The following MYO3B variants were observed in gnomAD, a reference collection of about 807,000 sequenced individuals.
MYO3B encodes myosin-IIIb.
A neutral mutation model predicts 174.6 loss-of-function variants in MYO3B; 156 were observed. The observed-to-expected ratio is 0.89, with a 90% confidence interval of 0.78 to 1.02. The LOEUF (loss-of-function observed/expected upper bound fraction) is 1.02. Among genes scored for constraint, MYO3B ranks in the 50% least tolerant of loss-of-function variants. The pLI is 0.00. For synonymous variants in MYO3B, 563 were observed against 569.1 expected, an observed-to-expected ratio of 0.99 and a Z score of 0.15; for missense variants, 1,632 against 1,639.4, an observed-to-expected ratio of 1.00 and a Z score of 0.08.
chr2:170,453,834 A>T (rs1355405257), intron 23 of MYO3B, among the ~76,000 whole-genome samples: 1 of 152,198 alleles, frequency 6.6e-6, no homozygotes, highest in East Asian at 1.9e-4. Flanking sequence ...CAAGGCTCAA[A>T]CTTTCTCCCA....
intron 26 of MYO3B, 92 bp downstream of exon 26, chr2:170,498,795 T>A: frequency 1.2e-6 from 1 of 809,256 alleles, no homozygotes; most frequent in Non-Finnish European, 2.1e-6. Flanking sequence ...GTAAGTTGTG[T>A]AGCTTAGCAA....
At chr2:170,234,993 G>A (rs187523158) in intron 6 of MYO3B, among the ~76,000 whole-genome samples, 4 of 152,232 alleles carry the variant, frequency 2.6e-5, no homozygotes, top group South Asian at 4.2e-4. Flanking sequence ...TCACTCCTCT[G>A]CTCACCACAG....
At chr2:170,632,556 C>G (rs1697095127) in intron 32 of MYO3B, among the ~76,000 whole-genome samples, 1 of 152,088 alleles carries the variant, frequency 6.6e-6, no homozygotes, top group Non-Finnish European at 1.5e-5. Flanking sequence ...GACACCCTAA[C>G]ATCACAATTA....
chr2:170,506,166 C>A (rs1246202975), intron 28 of MYO3B, among the ~76,000 whole-genome samples: 1 of 152,222 alleles, frequency 6.6e-6, no homozygotes, highest in African/African-American at 2.4e-5. Flanking sequence ...AACCACTGGG[C>A]ACATCATGTG....
chr2:170,383,016 A>G (rs2094346731), intron 10 of MYO3B, 57 bp from the exon 11 acceptor site: 7 of 1,077,888 alleles, frequency 6.5e-6, no homozygotes, highest in Non-Finnish European at 9.9e-6. Context: ...TCATTTTTAG[A>G]ATCTATCCCT....
At chr2:170,262,735 G>A (rs1356517086) in intron 7 of MYO3B, among the ~76,000 whole-genome samples, 2 of 152,158 alleles carry the variant, frequency 1.3e-5, no homozygotes, top group Admixed American at 1.3e-4. Context: ...CCCTGGGCCT[G>A]TGCTCTTCCC....
In MYO3B at chr2:170,499,612, C is replaced by T. The variant is rs760567604; in HGVS notation, c.3127-34C>T. 4 of 1,603,388 alleles carry T rather than the reference C, an allele frequency of 2.5e-6. No individual in the cohort carries two copies. In the Admixed American group the frequency reaches 6.7e-5, roughly 27 times the overall value. On this transcript the variant is annotated intron_variant, in intron 26 of 34. Transcript: ENST00000408978. ...TAGAGTGAATTTCTGTTGAGGAACC[C>T]ATATGTAATGCTAAAACTACTGTCT... is the stretch of plus-strand genomic sequence containing the variant.
intron 32 of MYO3B, among the ~76,000 whole-genome samples, chr2:170,633,581 C>T (rs1697213050): frequency 6.6e-6 from 1 of 152,182 alleles, no homozygotes; most frequent in Non-Finnish European, 1.5e-5. Context: ...TGCCCTCTCT[C>T]ACCACTCCTA....
chr2:170,266,364 A>G (rs2093383379), intron 7 of MYO3B, among the ~76,000 whole-genome samples: 1 of 152,180 alleles, frequency 6.6e-6, no homozygotes, highest in Admixed American at 6.5e-5. Context: ...TTGGTGTGCT[A>G]AGTTAAACAA....
chr2:170,641,858 T>TGG (rs71008706), intron 32 of MYO3B, among the ~76,000 whole-genome samples: 12 of 28,854 alleles, frequency 4.2e-4, no homozygotes, highest in East Asian at 2.3e-3. Context: ...TATTGTTAAG[T>TGG]GGGGGGGGGG....
At chr2:170,214,254 G>A in intron 3 of MYO3B, 125 bp from the exon 4 acceptor site, 1 of 657,284 alleles carries the variant, frequency 1.5e-6, no homozygotes, top group Non-Finnish European at 2.6e-6. Context: ...ATTCCAAGCT[G>A]GAGTTTTGTA....
chr2:170,495,056 A>AGG (rs1344897934), intron 25 of MYO3B, among the ~76,000 whole-genome samples: 1 of 152,242 alleles, frequency 6.6e-6, no homozygotes, highest in Non-Finnish European at 1.5e-5. Flanking sequence ...AATTCTACTT[A>AGG]GAAGAGGCAG....
In MYO3B at chr2:170,483,241, G is replaced by C. The variant is rs551529682; in HGVS notation, c.3015-15351G>C. On this transcript the variant is annotated intron_variant, in intron 25 of 34. Transcript: ENST00000408978. ...ACCTCATGAATTAGTTCAGTTGTAG[G>C]AAAGAAGAAATAATAAAGGAAAACA... 2.6e-5 allele frequency among the ~76,000 whole-genome samples: 4 copies of C among 152,298 alleles called. No homozygotes were observed. In the South Asian group the frequency reaches 8.3e-4, roughly 32 times the overall value.
At chr2:170,466,088 T>C (rs931599198) in intron 24 of MYO3B, among the ~76,000 whole-genome samples, 8 of 152,336 alleles carry the variant, frequency 5.3e-5, no homozygotes, top group Middle Eastern at 3.4e-3. Flanking sequence ...ATCGTATCTG[T>C]AGGATTTGCT....
chr2:170,249,583 A>T (rs971999039), intron 7 of MYO3B, among the ~76,000 whole-genome samples: 10 of 152,206 alleles, frequency 6.6e-5, no homozygotes, highest in African/African-American at 2.4e-4. Flanking sequence ...TTTCAAATCA[A>T]AAAACAAGAA....
intron 30 of MYO3B, among the ~76,000 whole-genome samples, chr2:170,525,343 G>A (rs748058682): frequency 1.3e-5 from 2 of 152,168 alleles, no homozygotes; most frequent in Non-Finnish European, 2.9e-5. Context: ...TTTATGTTGT[G>A]GGGCTTTGTT....
chr2:170,435,755 G>T (rs2105894643), intron 22 of MYO3B, among the ~76,000 whole-genome samples: 1 of 152,302 alleles, frequency 6.6e-6, no homozygotes, highest in South Asian at 2.1e-4. Flanking sequence ...TGTTTGGAGA[G>T]AAAATTAAAA....
chr2:170,580,285 C>T (rs951534470), intron 32 of MYO3B, among the ~76,000 whole-genome samples: 1 of 152,096 alleles, frequency 6.6e-6, no homozygotes, highest in Admixed American at 6.5e-5. Context: ...CTTATTCAAA[C>T]TTGATATTCA....
intron 32 of MYO3B, among the ~76,000 whole-genome samples, chr2:170,605,762 A>G (rs921394986): frequency 6.6e-6 from 1 of 152,076 alleles, no homozygotes; most frequent in African/African-American, 2.4e-5. Context: ...CGGGAGGTTG[A>G]GGCAGGAGAA....
Sources: allele counts gnomAD v4.1 joint callset (sites outside exome capture counted in the v4.1 genomes callset), GRCh38; gene constraint gnomAD v4.1.1; transcripts MANE v1.5; gene names NCBI Gene and HGNC (gene_info 2026-07-23, HGNC 2026-07-21).